The following SLC9A9 variants were observed in gnomAD, a reference collection of about 807,000 sequenced individuals.
The protein encoded by SLC9A9 is sodium/hydrogen exchanger 9.
In SLC9A9, 62 loss-of-function variants were observed where a neutral mutation model predicts 77.8. That is an observed-to-expected ratio of 0.80 (90% CI 0.65 to 0.98). The LOEUF is 0.98. Among genes scored for constraint, SLC9A9 ranks in the 50% least tolerant of loss-of-function variants. SLC9A9 has a pLI of 0.00. For synonymous variants in SLC9A9, 320 were observed against 283.5 expected (o/e 1.13, Z -1.29); for missense variants, 775 against 774.9 (o/e 1.00, Z 0.00).
chr3:143,497,782 A>G (rs533194741), intron 9 of SLC9A9, among the ~76,000 whole-genome samples: 1 of 152,324 alleles, frequency 6.6e-6, no homozygotes, highest in Non-Finnish European at 1.5e-5. Context: ...TGAACAAAAC[A>G]AAACACTTTT....
At chr3:143,469,838 C>G (rs997451738) in intron 11 of SLC9A9, among the ~76,000 whole-genome samples, 1 of 151,952 alleles carries the variant, frequency 6.6e-6, no homozygotes. Context: ...TGGAAATGGC[C>G]TATAGATAAG....
intron 12 of SLC9A9, among the ~76,000 whole-genome samples, chr3:143,445,361 C>T (rs1490771338): frequency 6.6e-6 from 1 of 152,194 alleles, no homozygotes; most frequent in Non-Finnish European, 1.5e-5. Flanking sequence ...CAACTTATTA[C>T]CCCTTTCACA....
At chr3:143,330,005 G>T (rs1359031163) in intron 14 of SLC9A9, among the ~76,000 whole-genome samples, 4 of 152,264 alleles carry the variant, frequency 2.6e-5, no homozygotes, top group African/African-American at 9.6e-5. Context: ...GGAAAAAAAA[G>T]AAAATGCTGG....
At chr3:143,697,654 C>T (rs1183590168) in intron 4 of SLC9A9, among the ~76,000 whole-genome samples, 1 of 151,686 alleles carries the variant, frequency 6.6e-6, no homozygotes, top group Non-Finnish European at 1.5e-5. Flanking sequence ...CTCTATAATG[C>T]TTTTGAAATC....
At chr3:143,282,661 G>A (rs1255765001) in intron 14 of SLC9A9, among the ~76,000 whole-genome samples, 1 of 152,120 alleles carries the variant, frequency 6.6e-6, no homozygotes, top group Non-Finnish European at 1.5e-5. Flanking sequence ...GGACTCTCTG[G>A]AGCTCCAGCA....
At chr3:143,531,018 A>G (rs2036502462) in intron 9 of SLC9A9, among the ~76,000 whole-genome samples, 1 of 152,234 alleles carries the variant, frequency 6.6e-6, no homozygotes, top group Admixed American at 6.5e-5. Flanking sequence ...CTGAAACAAA[A>G]CCTAACATGC....
intron 14 of SLC9A9, among the ~76,000 whole-genome samples, chr3:143,282,354 C>A (rs900735206): frequency 6.6e-6 from 1 of 152,196 alleles, no homozygotes; most frequent in Non-Finnish European, 1.5e-5. Context: ...CCACCAAATA[C>A]TTTACAGACT....
At chr3:143,809,787 T>C (rs1235152524) in intron 2 of SLC9A9, among the ~76,000 whole-genome samples, 1 of 152,218 alleles carries the variant, frequency 6.6e-6, no homozygotes, top group Non-Finnish European at 1.5e-5. Context: ...CCTTGTACTA[T>C]ACAATATGGT....
At chr3:143,372,225 A>G (rs1008274961) in intron 13 of SLC9A9, among the ~76,000 whole-genome samples, 2 of 152,256 alleles carry the variant, frequency 1.3e-5, no homozygotes. Context: ...TCTAAAATTC[A>G]TATGGAACAA....
chr3:143,513,010 A>T (rs2036142444), intron 9 of SLC9A9, among the ~76,000 whole-genome samples: 1 of 152,244 alleles, frequency 6.6e-6, no homozygotes, highest in Non-Finnish European at 1.5e-5. Context: ...GAGGGTCTTA[A>T]CCTAGATGTT....
In SLC9A9 at chr3:143,529,939, G is replaced by A. The variant is rs187915690; in HGVS notation, c.1089+22423C>T. Among the ~76,000 whole-genome samples the A allele has an allele frequency of 3.3e-5, 5 of 152,246 alleles. No homozygotes were observed. The East Asian group carries it at 7.7e-4, about 23-fold the overall frequency. On this transcript the variant is annotated intron_variant, in intron 9 of 15. Coordinates refer to ENST00000316549, the MANE Select transcript of SLC9A9 (RefSeq NM_173653.4). Reference sequence around the variant, plus strand: ...GAAGCCACTCCTATGACTCTAGGACGGAAGAATGAGAATGAGGAAACTGGG... The same window carrying A: ...GAAGCCACTCCTATGACTCTAGGACAGAAGAATGAGAATGAGGAAACTGGG...
chr3:143,471,413 C>T (rs79536068), intron 11 of SLC9A9, among the ~76,000 whole-genome samples: 3,223 of 152,194 alleles, frequency 0.021, 116 homozygotes, highest in African/African-American at 0.073. Flanking sequence ...TTGATCCTAT[C>T]TTCTTAATGC....
intron 4 of SLC9A9, 54 bp downstream of exon 4, chr3:143,794,947 C>A: frequency 1.3e-6 from 2 of 1,500,350 alleles, no homozygotes; most frequent in African/African-American, 1.4e-5. Flanking sequence ...AGATCCCTCA[C>A]ACAGATCACA....
At chr3:143,295,530 T>C (rs982192641) in intron 14 of SLC9A9, among the ~76,000 whole-genome samples, 3 of 152,216 alleles carry the variant, frequency 2.0e-5, no homozygotes, top group African/African-American at 4.8e-5. Context: ...GATGATTAAA[T>C]AGTCCATGAG....
chr3:143,292,831 C>G (rs1243067298), intron 14 of SLC9A9, among the ~76,000 whole-genome samples: 1 of 152,130 alleles, frequency 6.6e-6, no homozygotes, highest in Non-Finnish European at 1.5e-5. Context: ...TATATGATCC[C>G]CGATCCCTCT....
At chr3:143,298,293 C>A (rs138537390) in intron 14 of SLC9A9, among the ~76,000 whole-genome samples, 180 of 152,276 alleles carry the variant, frequency 1.2e-3, no homozygotes, top group African/African-American at 4.0e-3. Context: ...CCATATAGAT[C>A]TGCAACCTAG....
intron 2 of SLC9A9, among the ~76,000 whole-genome samples, chr3:143,809,622 G>C (rs1016717983): frequency 2.6e-5 from 4 of 152,204 alleles, no homozygotes; most frequent in African/African-American, 7.2e-5. Context: ...AGAAATTATT[G>C]TAACATGAGG....
At chr3:143,565,346 C>T (rs1355052912) in intron 8 of SLC9A9, among the ~76,000 whole-genome samples, 1 of 152,130 alleles carries the variant, frequency 6.6e-6, no homozygotes. Flanking sequence ...TTTCTACATG[C>T]CTATGCAGAA....
At chr3:143,664,849 C>A (rs2039037421) in intron 5 of SLC9A9, among the ~76,000 whole-genome samples, 1 of 152,196 alleles carries the variant, frequency 6.6e-6, no homozygotes, top group Admixed American at 6.5e-5. Context: ...TCCTTAGAGA[C>A]ATACAAAGAG....
Sources: gnomAD v4.1 joint callset for allele counts (sites outside exome capture counted in the v4.1 genomes callset) on GRCh38, gnomAD v4.1.1 for gene constraint, MANE v1.5 for transcripts, NCBI Gene and HGNC (gene_info 2026-07-23, HGNC 2026-07-21) for gene names.